Variants in KATNA1 observed in about 807,000 individuals in gnomAD.
The protein encoded by KATNA1 is katanin p60 ATPase-containing subunit A1.
In KATNA1, 42 loss-of-function variants were observed where a neutral mutation model predicts 62.6. The observed-to-expected ratio is 0.67, with a 90% confidence interval of 0.52 to 0.87. The LOEUF is 0.87. Ranked by LOEUF, KATNA1 falls within the 40% of genes least tolerant of loss-of-function variation. The probability of loss-of-function intolerance (pLI) is 0.00; values close to 1 mark genes in which losing one functional copy is unlikely to be tolerated. For synonymous variants in KATNA1, 186 were observed against 201.9 expected, an observed-to-expected ratio of 0.92 and a Z score of 0.67; for missense variants, 498 against 612.5, an observed-to-expected ratio of 0.81 and a Z score of 1.97.
intron 10 of KATNA1, 107 bp from the exon 11 acceptor site, chr6:149,595,341 TTA>T: frequency 1.4e-6 from 1 of 709,792 alleles, no homozygotes; most frequent in Non-Finnish European, 2.3e-6. Flanking sequence ...CATTCTCTAA[TTA>T]TATTACATAT....
At chr6:149,640,632 CT>C (rs1171635394) in intron 1 of KATNA1, among the ~76,000 whole-genome samples, 1 of 151,936 alleles carries the variant, frequency 6.6e-6, no homozygotes, top group African/African-American at 2.4e-5. Context: ...ACTGCAACCT[CT>C]GCCTCCCAGG....
chr6:149,641,905 A>G (rs972964122), intron 1 of KATNA1, among the ~76,000 whole-genome samples: 3 of 152,128 alleles, frequency 2.0e-5, no homozygotes, highest in African/African-American at 7.2e-5. Flanking sequence ...TTATTCTTTT[A>G]TTTTTTATTT....
At chr6:149,613,252 A>T (rs1483824238) in intron 4 of KATNA1, among the ~76,000 whole-genome samples, 2 of 149,500 alleles carry the variant, frequency 1.3e-5, no homozygotes, top group Non-Finnish European at 3.0e-5. Flanking sequence ...TACAGCTAAC[A>T]TTATACTCTC....
At chr6:149,640,203 A>G (rs1780227130) in intron 1 of KATNA1, among the ~76,000 whole-genome samples, 1 of 152,214 alleles carries the variant, frequency 6.6e-6, no homozygotes, top group Non-Finnish European at 1.5e-5. Flanking sequence ...TGTGTCTGCC[A>G]TGAAACTTTC....
At chr6:149,623,338 C>G (rs186877308) in intron 3 of KATNA1, 55 bp from the exon 4 acceptor site, 1 of 1,296,726 alleles carries the variant, frequency 7.7e-7, no homozygotes, top group Admixed American at 2.4e-5. Context: ...TGGATGAACA[C>G]ACATACTGTG....
chr6:149,619,956 T>C (rs1779328363), intron 4 of KATNA1, among the ~76,000 whole-genome samples: 1 of 125,024 alleles, frequency 8.0e-6, no homozygotes, highest in South Asian at 2.5e-4. Context: ...AACTGTGGCA[T>C]GCATATACAT....
rs376482053 is a variant in KATNA1 at position 149,642,799 on chromosome 6, T to C, written c.-13-4239A>G. On this transcript the variant is annotated intron_variant, in intron 1 of 10. Transcript: ENST00000367411. ...TACCTTAAATATATTAGAGAGTCTA[T>C]GGAAGGTGAGGAGGAAAATATGTGA... 1.4e-4 allele frequency among the ~76,000 whole-genome samples: 22 copies of C among 152,262 alleles called. No homozygotes were observed. In the East Asian group the frequency reaches 2.9e-3, roughly 20 times the overall value.
chr6:149,608,274 G>C lies in KATNA1; in HGVS notation c.502-3492C>G, dbSNP rs148030860. ...CACAAACACAGGAGGACTCTGAAAG[G>C]TGCAAAGAAGCCAGCAGAGCCACTA... is the stretch of plus-strand genomic sequence containing the variant. On this transcript the variant is annotated intron_variant, in intron 4 of 10. Coordinates refer to ENST00000367411, the MANE Select transcript of KATNA1 (RefSeq NM_007044.4). Among the ~76,000 whole-genome samples, 37 of 152,204 alleles carry C rather than the reference G, an allele frequency of 2.4e-4. No homozygotes were observed. In the East Asian group the frequency reaches 5.0e-3, roughly 21 times the overall value.
chr6:149,607,113 CTCTT>C (rs1215408841), intron 4 of KATNA1, among the ~76,000 whole-genome samples: 1 of 152,204 alleles, frequency 6.6e-6, no homozygotes, highest in African/African-American at 2.4e-5. Context: ...AAGGCATTTT[CTCTT>C]TCTCTTTCTT....
At position 149,630,630 on chromosome 6, in the gene KATNA1, AAAAAAT is replaced by A. The variant is rs200259503; in HGVS notation, c.320+2123_320+2128del. ...GCGAAAGAGCAAGACTCTGTCTCAA[AAAAAAT>A]AAAAATAAAAATAAAAGTGGCTAAG... On this transcript the variant is annotated intron_variant, in intron 3 of 10. Coordinates refer to ENST00000367411, the MANE Select transcript of KATNA1 (RefSeq NM_007044.4). Among the ~76,000 whole-genome samples, 275 of 152,350 alleles carry A rather than the reference AAAAAAT, an allele frequency of 1.8e-3. 2 individuals are homozygous for A. Among genetic ancestry groups the A allele is most frequent in the African/African-American group, 6.1e-3 (254 of 41,580 alleles).
chr6:149,613,637 A>G lies in KATNA1; in HGVS notation c.502-8855T>C, dbSNP rs181901020. Among the ~76,000 whole-genome samples, 910 of 152,318 alleles carry G rather than the reference A, an allele frequency of 6.0e-3. 14 individuals carry two copies. Among genetic ancestry groups the G allele is most frequent in the African/African-American group, 0.021 (881 of 41,578 alleles). ...CCTAAACAAAAACTGCACCTGCAGAATCTGTTTGATGCAACTATTTAGGAA... is the reference window on the plus strand; with the variant it reads ...CCTAAACAAAAACTGCACCTGCAGAGTCTGTTTGATGCAACTATTTAGGAA... On this transcript the variant is annotated intron_variant, in intron 4 of 10. Coordinates refer to ENST00000367411, the MANE Select transcript of KATNA1 (RefSeq NM_007044.4).
intron 7 of KATNA1, among the ~76,000 whole-genome samples, chr6:149,600,772 A>AAC (rs1290777182): frequency 7.2e-6 from 1 of 138,588 alleles, no homozygotes; most frequent in African/African-American, 3.0e-5. Flanking sequence ...CCCATCTGTA[A>AAC]AAAAAAAAAA....
At position 149,632,892 on chromosome 6, in the gene KATNA1, C is replaced by G; in HGVS notation, c.187G>C (p.Ala63Pro). ...QQVWQEINVE[A>P]KHVKDIMKTL... Reference sequence around the variant, plus strand: ...TTCATGATATCTTTAACATGTTTAGCTTCCACATTTATTTCCTGCCAAACC... The same window carrying G: ...TTCATGATATCTTTAACATGTTTAGGTTCCACATTTATTTCCTGCCAAACC... The change falls in exon 3 of 11, where the codon GCT (alanine) becomes CCT (proline). Residue 63 changes from alanine to proline, a missense_variant. This residue lies in a region of KATNA1 where 203 missense variants were observed against 198.4 expected (regional missense o/e 1.02). Transcript: ENST00000367411. 5 of 1,607,376 alleles carry G rather than the reference C, an allele frequency of 3.1e-6. No homozygotes were observed. The highest frequency in any genetic ancestry group is 3.4e-6 in the Non-Finnish European group (4 of 1,178,496).
In KATNA1 at chr6:149,597,177, T is replaced by C. The variant is rs1778356681; in HGVS notation, c.1163A>G (p.Glu388Gly). 1 of 1,613,574 alleles carries C rather than the reference T, an allele frequency of 6.2e-7. No individual in the cohort carries two copies. Among genetic ancestry groups the C allele is most frequent in the Non-Finnish European group, 8.5e-7 (1 of 1,179,928 alleles). The change falls in exon 10 of 11, where the codon GAG (glutamate) becomes GGG (glycine). Residue 388 changes from glutamate to glycine, a missense_variant. Around this residue, in one of 3 missense-constraint regions of KATNA1, gnomAD observed 267 missense variants for 372.6 expected, o/e 0.72. Transcript: ENST00000367411. Reference sequence around the variant, plus strand: ...ACGTAGACTTATTCGTAATAGCTCCTCCCTGCCTTTTGCTAATGGTAGAAA... The same window carrying C: ...ACGTAGACTTATTCGTAATAGCTCCCCCCTGCCTTTTGCTAATGGTAGAAA... ...YIPLPSAKGR[E>G]ELLRISLREL...
At chr6:149,618,257 C>T (rs886917047) in intron 4 of KATNA1, among the ~76,000 whole-genome samples, 42 of 151,558 alleles carry the variant, frequency 2.8e-4, no homozygotes, top group Admixed American at 6.6e-5. Flanking sequence ...ACGGGCGGAT[C>T]ACCTGAGGTC....
At chr6:149,595,346 T>C in intron 10 of KATNA1, 112 bp from the exon 11 acceptor site, 2 of 689,150 alleles carry the variant, frequency 2.9e-6, no homozygotes, top group South Asian at 2.0e-5. Flanking sequence ...TCTAATTATA[T>C]TACATATATA....
intron 4 of KATNA1, among the ~76,000 whole-genome samples, chr6:149,622,810 G>A (rs1339467251): frequency 1.3e-5 from 2 of 150,282 alleles, no homozygotes; most frequent in African/African-American, 2.5e-5. Context: ...AAGAGTTCGA[G>A]ACTAGCCTGG....
At chr6:149,620,451 C>T (rs761043808) in intron 4 of KATNA1, among the ~76,000 whole-genome samples, 6 of 152,094 alleles carry the variant, frequency 3.9e-5, no homozygotes, top group Non-Finnish European at 7.4e-5. Context: ...GCCACCACCC[C>T]GGCTAATTTT....
chr6:149,640,681 G>A (rs1780245324), intron 1 of KATNA1, among the ~76,000 whole-genome samples: 1 of 151,690 alleles, frequency 6.6e-6, no homozygotes, highest in Non-Finnish European at 1.5e-5. Context: ...CAGAGTGGCT[G>A]GGACTACAGC....
Sources: allele counts gnomAD v4.1 joint callset (sites outside exome capture counted in the v4.1 genomes callset), GRCh38; gene constraint gnomAD v4.1.1; regional missense constraint gnomAD v4.1.1; transcripts MANE v1.5; gene names NCBI Gene and HGNC (gene_info 2026-07-23, HGNC 2026-07-21).